DPP10: variants seen among roughly 807,000 people sequenced by gnomAD.
DPP10 encodes the protein dipeptidyl peptidase like 10.
A neutral mutation model predicts 120.9 loss-of-function variants in DPP10; 33 were observed. That is an observed-to-expected ratio of 0.27 (90% CI 0.21 to 0.37). The LOEUF is 0.37. Among genes scored for constraint, DPP10 ranks in the 10% least tolerant of loss-of-function variants. The pLI is 1.00. For synonymous variants in DPP10, 337 were observed against 326.1 expected, an observed-to-expected ratio of 1.03 and a Z score of -0.36; for missense variants, 816 against 942.8, an observed-to-expected ratio of 0.87 and a Z score of 1.76.
At chr2:115,198,862 T>C (rs921529333) in intron 1 of DPP10, among the ~76,000 whole-genome samples, 5 of 152,212 alleles carry the variant, frequency 3.3e-5, no homozygotes, top group African/African-American at 1.2e-4. Context: ...ACCATCATTA[T>C]TGCCTCTCAA....
intron 3 of DPP10, among the ~76,000 whole-genome samples, chr2:115,444,854 G>T (rs1320184267): frequency 6.6e-6 from 1 of 152,150 alleles, no homozygotes; most frequent in Non-Finnish European, 1.5e-5. Context: ...CCTATAACAA[G>T]ATTCAATTAT....
intron 1 of DPP10, among the ~76,000 whole-genome samples, chr2:114,730,694 A>G (rs1176269408): frequency 6.6e-6 from 1 of 152,046 alleles, no homozygotes; most frequent in African/African-American, 2.4e-5. Context: ...CCTGGATTCA[A>G]GCGATTCTCC....
intron 7 of DPP10, among the ~76,000 whole-genome samples, chr2:115,707,659 T>A (rs571205713): frequency 6.6e-6 from 1 of 151,922 alleles, no homozygotes; most frequent in South Asian, 2.1e-4. Context: ...CTTAAATTAT[T>A]ATTATGGGAC....
At chr2:115,678,636 T>A (rs913500112) in intron 5 of DPP10, among the ~76,000 whole-genome samples, 1 of 151,722 alleles carries the variant, frequency 6.6e-6, no homozygotes, top group Non-Finnish European at 1.5e-5. Context: ...CTACACAGAG[T>A]CCCCACTAGG....
At chr2:114,581,972 CA>C (rs1297055691) in intron 1 of DPP10, among the ~76,000 whole-genome samples, 1 of 152,118 alleles carries the variant, frequency 6.6e-6, no homozygotes, top group Admixed American at 6.5e-5. Flanking sequence ...CATTATCGTC[CA>C]AACTACATAG....
intron 1 of DPP10, among the ~76,000 whole-genome samples, chr2:114,444,210 T>G (rs1677816847): frequency 6.6e-6 from 1 of 152,214 alleles, no homozygotes; most frequent in Non-Finnish European, 1.5e-5. Context: ...AATGTTGAGC[T>G]TTTGGTATAG....
intron 7 of DPP10, among the ~76,000 whole-genome samples, 172 bp from the exon 8 acceptor site, chr2:115,727,644 A>T (rs1298730959): frequency 1.3e-5 from 2 of 152,192 alleles, no homozygotes; most frequent in African/African-American, 4.8e-5. Context: ...ACAATAAAAC[A>T]GAAAAAGCCA....
chr2:115,532,875 A>C (rs2078554679), intron 5 of DPP10, among the ~76,000 whole-genome samples: 2 of 151,878 alleles, frequency 1.3e-5, no homozygotes, highest in African/African-American at 4.8e-5. Context: ...TTAACCAATA[A>C]ATCTATGTAA....
intron 5 of DPP10, among the ~76,000 whole-genome samples, chr2:115,537,543 T>G (rs1223835912): frequency 6.7e-6 from 1 of 150,360 alleles, no homozygotes; most frequent in Non-Finnish European, 1.5e-5. Flanking sequence ...GCACCCTGAC[T>G]TTACTTGAGA....
chr2:115,455,153 A>G (rs952787771), intron 3 of DPP10, among the ~76,000 whole-genome samples: 14 of 152,046 alleles, frequency 9.2e-5, no homozygotes, highest in African/African-American at 3.4e-4. Context: ...GCTAAAACAA[A>G]TTGAAGATCT....
intron 1 of DPP10, among the ~76,000 whole-genome samples, chr2:114,633,795 A>T (rs1373857246): frequency 6.6e-6 from 1 of 151,294 alleles, no homozygotes; most frequent in Admixed American, 6.6e-5. Context: ...TTGTATTTTT[A>T]GTACAGATGG....
At chr2:115,131,525 G>C (rs1045905199) in intron 1 of DPP10, among the ~76,000 whole-genome samples, 3 of 151,902 alleles carry the variant, frequency 2.0e-5, no homozygotes, top group African/African-American at 4.8e-5. Context: ...AAAGTAACAA[G>C]AAGAAGAAGG....
intron 1 of DPP10, among the ~76,000 whole-genome samples, chr2:114,620,877 T>C (rs1694044350): frequency 6.6e-6 from 1 of 152,166 alleles, no homozygotes; most frequent in African/African-American, 2.4e-5. Context: ...AGAAGCTTTG[T>C]CTTTTGACAG....
At chr2:115,097,795 C>G (rs2048475692) in intron 1 of DPP10, among the ~76,000 whole-genome samples, 1 of 151,990 alleles carries the variant, frequency 6.6e-6, no homozygotes, top group Non-Finnish European at 1.5e-5. Context: ...TTTGAATAGT[C>G]CTTGTTATGT....
chr2:114,488,099 A>G (rs919284271), intron 1 of DPP10, among the ~76,000 whole-genome samples: 1 of 152,200 alleles, frequency 6.6e-6, no homozygotes, highest in Non-Finnish European at 1.5e-5. Context: ...AATTTCAACT[A>G]TTTAAATTTT....
intron 5 of DPP10, among the ~76,000 whole-genome samples, chr2:115,650,406 G>A: frequency 9.7e-6 from 1 of 103,426 alleles, no homozygotes; most frequent in African/African-American, 2.8e-5. Flanking sequence ...GCTGGCATGG[G>A]GAAAGGGGGG....
intron 5 of DPP10, among the ~76,000 whole-genome samples, chr2:115,561,991 T>C (rs2149053376): frequency 6.6e-6 from 1 of 152,322 alleles, no homozygotes; most frequent in Non-Finnish European, 1.5e-5. Context: ...TCTGACAGTT[T>C]GTCAAAAACA....
At chr2:115,684,438 C>T (rs146817761) in intron 5 of DPP10, among the ~76,000 whole-genome samples, 12 of 151,966 alleles carry the variant, frequency 7.9e-5, no homozygotes, top group Non-Finnish European at 1.5e-4. Context: ...CCAAGAGAAA[C>T]CAATCCCATT....
At position 115,842,471 on chromosome 2, in the gene DPP10, G is replaced by A. The variant is rs10171969; in HGVS notation, c.*126G>A. 628 of 1,113,888 alleles carry A rather than the reference G, an allele frequency of 5.6e-4. 2 individuals are homozygous for A. In the African/African-American group the frequency reaches 5.8e-3, roughly 10 times the overall value. The allele number at this position is 1,113,888 out of a possible 1,614,324, so 69.0% of individuals were successfully genotyped here. On this transcript the variant is annotated 3_prime_UTR_variant, in exon 26 of 26. Coordinates refer to ENST00000410059, the MANE Select transcript of DPP10 (RefSeq NM_020868.6). ...TACGGAGATGTCACTGGAGCAGCAC[G>A]CTCAGAGACAGTGAACTAGCATTTG...
Sources: allele counts gnomAD v4.1 joint callset (sites outside exome capture counted in the v4.1 genomes callset), GRCh38; gene constraint gnomAD v4.1.1; transcripts MANE v1.5; gene names NCBI Gene and HGNC (gene_info 2026-07-23, HGNC 2026-07-21).